UST: variants seen among roughly 807,000 people sequenced by gnomAD.
UST encodes the protein uronyl 2-sulfotransferase.
UST carries 21 observed loss-of-function variants against 45.6 expected under a neutral mutation model. The ratio of observed to expected loss-of-function variants is 0.46; its 90% CI spans 0.33 to 0.66. The LOEUF (loss-of-function observed/expected upper bound fraction) is 0.66, where lower values mean the gene tolerates loss of function less well. Ranked by LOEUF, UST falls within the 30% of genes least tolerant of loss-of-function variation. The pLI is 0.02. For synonymous variants in UST, 215 were observed against 200.6 expected (o/e 1.07, Z -0.61); for missense variants, 463 against 512.4 (o/e 0.90, Z 0.93).
intron 7 of UST, among the ~76,000 whole-genome samples, chr6:149,033,171 A>G (rs9399678): frequency 0.72 from 109,538 of 152,156 alleles, 40,214 homozygotes; most frequent in African/African-American, 0.85. Flanking sequence ...TGTCCACCCC[A>G]GGAATTAATG....
chr6:148,819,813 G>GA (rs1017421640), intron 1 of UST, among the ~76,000 whole-genome samples: 2 of 151,998 alleles, frequency 1.3e-5, no homozygotes, highest in African/African-American at 4.8e-5. Context: ...GTATGAAAAA[G>GA]AAAAAAATAG....
rs1780119128 is a variant in UST, at chr6:148,941,212, T to C, written c.292-67T>C. 9 of 1,571,586 alleles carry C rather than the reference T, an allele frequency of 5.7e-6. No individual in the cohort carries two copies. The South Asian group carries it at 1.0e-4, about 18-fold the overall frequency. On this transcript the variant is annotated intron_variant, in intron 2 of 7. Transcript: ENST00000367463. Reference sequence around the variant, plus strand: ...ATATGAAACAGTTATTGTTCTGAAATTGAGGGAAGAATCCTAAGTATTTCC... The same window carrying C: ...ATATGAAACAGTTATTGTTCTGAAACTGAGGGAAGAATCCTAAGTATTTCC...
At chr6:148,982,247 C>T (rs896827429) in intron 5 of UST, among the ~76,000 whole-genome samples, 5 of 152,074 alleles carry the variant, frequency 3.3e-5, no homozygotes, top group Non-Finnish European at 5.9e-5. Context: ...TACAGGCGTG[C>T]ACCACCACAC....
At chr6:149,008,379 GGT>G (rs1775750430) in intron 5 of UST, among the ~76,000 whole-genome samples, 1 of 152,148 alleles carries the variant, frequency 6.6e-6, no homozygotes, top group Non-Finnish European at 1.5e-5. Context: ...CATGATTCAT[GGT>G]GTATGTGCTT....
At chr6:149,015,814 G>A (rs1411477621) in intron 5 of UST, among the ~76,000 whole-genome samples, 2 of 152,180 alleles carry the variant, frequency 1.3e-5, no homozygotes, top group African/African-American at 2.4e-5. Flanking sequence ...AATGGTCCTA[G>A]GAGACTGAAA....
chr6:148,943,114 G>T (rs973987973), intron 3 of UST, among the ~76,000 whole-genome samples: 2 of 152,022 alleles, frequency 1.3e-5, no homozygotes, highest in Admixed American at 6.6e-5. Context: ...CTGAAAGAAA[G>T]GAATTATAAA....
intron 5 of UST, among the ~76,000 whole-genome samples, chr6:149,016,989 C>A (rs1217185580): frequency 2.6e-5 from 4 of 152,190 alleles, no homozygotes; most frequent in African/African-American, 9.7e-5. Flanking sequence ...GGGCAGGGGG[C>A]TCAGAGCATC....
chr6:148,853,723 C>G (rs1778149758), intron 1 of UST, among the ~76,000 whole-genome samples: 1 of 152,140 alleles, frequency 6.6e-6, no homozygotes, highest in Admixed American at 6.5e-5. Context: ...TGATGTTGAA[C>G]TTTTTTTCAT....
At chr6:148,771,474 C>G (rs1355346505) in intron 1 of UST, among the ~76,000 whole-genome samples, 2 of 152,116 alleles carry the variant, frequency 1.3e-5, no homozygotes, top group East Asian at 1.9e-4. Context: ...GCAAAATGTT[C>G]CAGTCATTTT....
intron 1 of UST, among the ~76,000 whole-genome samples, chr6:148,884,290 A>G (rs1053489488): frequency 2.0e-5 from 3 of 152,166 alleles, no homozygotes; most frequent in Admixed American, 6.5e-5. Flanking sequence ...AGTACCTGCT[A>G]TTTTCCAGGC....
chr6:148,922,415 C>T (rs867692745), intron 2 of UST, among the ~76,000 whole-genome samples: 1 of 152,044 alleles, frequency 6.6e-6, no homozygotes. Context: ...GAGGTCTGTC[C>T]ATGTAGGAGG....
chr6:149,008,754 C>A (rs1407649194), intron 5 of UST, among the ~76,000 whole-genome samples: 1 of 152,210 alleles, frequency 6.6e-6, no homozygotes, highest in Non-Finnish European at 1.5e-5. Flanking sequence ...TTCATCCCTA[C>A]CTGGGAAAGC....
chr6:148,798,851 G>GATTT (rs67953897), intron 1 of UST, among the ~76,000 whole-genome samples: 2,897 of 149,706 alleles, frequency 0.019, 41 homozygotes, highest in East Asian at 0.069. Flanking sequence ...GAGGAGATAG[G>GATTT]ATTTATTTAT....
chr6:149,058,854 A>G (rs115502116), intron 7 of UST, among the ~76,000 whole-genome samples: 2,381 of 152,140 alleles, frequency 0.016, 71 homozygotes, highest in African/African-American at 0.055. Context: ...CCATCCTCAT[A>G]TATAAGCCGG....
chr6:148,795,368 G>C (rs1004616740), intron 1 of UST, among the ~76,000 whole-genome samples: 1 of 152,098 alleles, frequency 6.6e-6, no homozygotes, highest in Admixed American at 6.5e-5. Flanking sequence ...TAACTTTAAG[G>C]GTGGCCTGGC....
intron 1 of UST, among the ~76,000 whole-genome samples, chr6:148,851,411 A>G (rs1045854392): frequency 6.6e-6 from 1 of 152,206 alleles, no homozygotes; most frequent in Admixed American, 6.5e-5. Flanking sequence ...GAACTAGAAA[A>G]ACCAAGGTAG....
intron 7 of UST, among the ~76,000 whole-genome samples, chr6:149,024,410 A>G (rs1235931700): frequency 1.3e-5 from 2 of 152,190 alleles, no homozygotes; most frequent in Non-Finnish European, 2.9e-5. Flanking sequence ...TTGTTGCTTC[A>G]GTAACTTCTA....
At chr6:149,000,698 A>T (rs1290178651) in intron 5 of UST, among the ~76,000 whole-genome samples, 1 of 152,226 alleles carries the variant, frequency 6.6e-6, no homozygotes, top group Admixed American at 6.5e-5. Context: ...GAAAAGACAA[A>T]AGAATGAATA....
intron 1 of UST, among the ~76,000 whole-genome samples, chr6:148,880,248 C>T (rs1778799504): frequency 6.6e-6 from 1 of 152,172 alleles, no homozygotes; most frequent in Admixed American, 6.5e-5. Context: ...AGCCACAGCA[C>T]CCAGCCAGAT....
Sources: allele counts gnomAD v4.1 joint callset (sites outside exome capture counted in the v4.1 genomes callset), GRCh38; gene constraint gnomAD v4.1.1; transcripts MANE v1.5; gene names NCBI Gene and HGNC (gene_info 2026-07-23, HGNC 2026-07-21).